The following PRR16 variants were observed in gnomAD, a reference collection of about 807,000 sequenced individuals.
PRR16 encodes the protein protein Largen.
In PRR16, 6 loss-of-function variants were observed where a neutral mutation model predicts 18.2. The ratio of observed to expected loss-of-function variants is 0.33; its 90% CI spans 0.18 to 0.65. PRR16 has a LOEUF of 0.65. Among genes scored for constraint, PRR16 ranks in the 30% least tolerant of loss-of-function variants. PRR16 has a pLI of 0.74. For synonymous variants in PRR16, 151 were observed against 147.8 expected (o/e 1.02, Z -0.16); for missense variants, 412 against 376.6 (o/e 1.09, Z -0.78).
At chr5:120,753,934 T>C in the PRR16 span, among the ~76,000 whole-genome samples, 1 of 9,092 alleles carries the variant, frequency 1.1e-4, no homozygotes, top group Non-Finnish European at 2.2e-3. Flanking sequence ...ATAAATATTA[T>C]ATATAATATA....
At chr5:120,763,005 C>T in the PRR16 span, among the ~76,000 whole-genome samples, 5 of 152,098 alleles carry the variant, frequency 3.3e-5, no homozygotes, top group Non-Finnish European at 5.9e-5. Context: ...TTTTCCCAGC[C>T]TCATGTACTA....
chr5:120,486,936 TG>T (rs1328209141), intron 1 of PRR16, among the ~76,000 whole-genome samples: 2 of 152,240 alleles, frequency 1.3e-5, no homozygotes, highest in African/African-American at 4.8e-5. Context: ...TTGTCAGGTT[TG>T]TCAAAGATCA....
the PRR16 span, among the ~76,000 whole-genome samples, chr5:120,754,173 A>AAT: frequency 1.1e-5 from 1 of 94,562 alleles, no homozygotes; most frequent in Non-Finnish European, 2.1e-5. Context: ...ATAAATATAA[A>AAT]TATAAATATA....
the PRR16 span, among the ~76,000 whole-genome samples, chr5:120,758,289 T>C: frequency 6.8e-6 from 1 of 146,974 alleles, no homozygotes; most frequent in African/African-American, 2.4e-5. Flanking sequence ...AAAGTAATAA[T>C]AGCAAATACT....
At chr5:120,513,268 G>A (rs767059509) in intron 1 of PRR16, among the ~76,000 whole-genome samples, 1 of 152,110 alleles carries the variant, frequency 6.6e-6, no homozygotes, top group Non-Finnish European at 1.5e-5. Context: ...TGGTACTTGC[G>A]TTGATTCCAT....
chr5:120,559,721 T>C (rs1752518904), intron 1 of PRR16, among the ~76,000 whole-genome samples: 1 of 151,982 alleles, frequency 6.6e-6, no homozygotes, highest in Non-Finnish European at 1.5e-5. Context: ...GGAATTGGCG[T>C]TGAATCTGTA....
the PRR16 span, among the ~76,000 whole-genome samples, chr5:120,754,401 T>TTATACTATATAGTATATATTATATATTA: frequency 1.5e-5 from 1 of 67,212 alleles, no homozygotes; most frequent in Non-Finnish European, 2.5e-5. Context: ...ATGTTATATA[T>TTATACTATATAGTATATATTATATATTA]TATACTATAT....
At chr5:120,713,061 A>G in the PRR16 span, among the ~76,000 whole-genome samples, 2 of 152,278 alleles carry the variant, frequency 1.3e-5, no homozygotes, top group Admixed American at 6.5e-5. Flanking sequence ...TGTGAAAACA[A>G]CCTGGGCTCA....
chr5:120,493,023 G>A (rs764352806), intron 1 of PRR16, among the ~76,000 whole-genome samples: 1 of 152,174 alleles, frequency 6.6e-6, no homozygotes. Flanking sequence ...ATAAATGTGT[G>A]TGCAAGTGTC....
At chr5:120,572,179 G>A (rs1752929895) in intron 1 of PRR16, among the ~76,000 whole-genome samples, 1 of 152,094 alleles carries the variant, frequency 6.6e-6, no homozygotes, top group South Asian at 2.1e-4. Context: ...CTCTCATATT[G>A]TATTGGTCAA....
At chr5:120,793,065 T>C in the PRR16 span, among the ~76,000 whole-genome samples, 1 of 152,284 alleles carries the variant, frequency 6.6e-6, no homozygotes, top group African/African-American at 2.4e-5. Flanking sequence ...GGTGGGAGGA[T>C]GGCTTGAGCC....
the PRR16 span, among the ~76,000 whole-genome samples, chr5:120,770,926 A>ACTCTCACTCTCTCTCTCTCTCTCTCT: frequency 7.6e-6 from 1 of 131,362 alleles, no homozygotes; most frequent in African/African-American, 3.0e-5. Flanking sequence ...TCATTGGAAC[A>ACTCTCACTCTCTCTCTCTCTCTCTCT]CTCTCTCTCT....
chr5:120,536,342 G>C (rs993648343), intron 1 of PRR16, among the ~76,000 whole-genome samples: 1 of 152,118 alleles, frequency 6.6e-6, no homozygotes, highest in Non-Finnish European at 1.5e-5. Context: ...ATAAACCTCA[G>C]CTGCAAAAAT....
At chr5:120,634,835 T>C (rs1171723234) in intron 1 of PRR16, among the ~76,000 whole-genome samples, 2 of 152,036 alleles carry the variant, frequency 1.3e-5, no homozygotes, top group Admixed American at 1.3e-4. Flanking sequence ...AAAAAGTTAG[T>C]TCTTTGAAAA....
intron 1 of PRR16, among the ~76,000 whole-genome samples, chr5:120,469,612 GA>G (rs1464776475): frequency 6.6e-6 from 1 of 152,078 alleles, no homozygotes; most frequent in Non-Finnish European, 1.5e-5. Context: ...TTATAGGTAT[GA>G]GCCACCATGT....
chr5:120,634,826 A>C (rs1200390391), intron 1 of PRR16, among the ~76,000 whole-genome samples: 14 of 152,140 alleles, frequency 9.2e-5, no homozygotes, highest in Non-Finnish European at 2.1e-4. Flanking sequence ...CAATGAAACA[A>C]AAAGTTAGTT....
At chr5:120,575,491 A>T (rs1261986236) in intron 1 of PRR16, among the ~76,000 whole-genome samples, 1 of 152,170 alleles carries the variant, frequency 6.6e-6, no homozygotes, top group South Asian at 2.1e-4. Flanking sequence ...AAGGATGCAA[A>T]GTTTATTCAG....
intron 1 of PRR16, among the ~76,000 whole-genome samples, chr5:120,646,820 A>G (rs919290881): frequency 1.3e-5 from 2 of 152,036 alleles, no homozygotes. Context: ...GGAATTATAA[A>G]TAAATAGGAA....
chr5:120,672,559 T>C (rs1756647538), intron 1 of PRR16, among the ~76,000 whole-genome samples: 1 of 151,836 alleles, frequency 6.6e-6, no homozygotes, highest in African/African-American at 2.4e-5. Flanking sequence ...TGTGTGTGTG[T>C]GTGTGTGTAA....
Sources: gnomAD v4.1 joint callset for allele counts (sites outside exome capture counted in the v4.1 genomes callset) on GRCh38, gnomAD v4.1.1 for gene constraint, MANE v1.5 for transcripts, NCBI Gene and HGNC (gene_info 2026-07-23, HGNC 2026-07-21) for gene names.